Variants in TTLL13 observed in about 807,000 individuals in gnomAD.
TTLL13 encodes the protein tubulin tyrosine ligase like 13, also known as tubulin polyglutamylase TTLL13.
chr15:90,265,441 C>T, the TTLL13 span: 1 of 1,315,978 alleles, frequency 7.6e-7, no homozygotes. Context: ...CTCTTGGAAA[C>T]GGAATCCGTA....
At chr15:90,256,587 T>C in the TTLL13 span, among the ~76,000 whole-genome samples, 668 of 35,370 alleles carry the variant, frequency 0.019, 13 homozygotes, top group East Asian at 0.061. Flanking sequence ...CTTTCTTTCT[T>C]TCTTTCTTTC....
chr15:90,257,728 C>A, the TTLL13 span: 1 of 1,613,456 alleles, frequency 6.2e-7, no homozygotes, highest in South Asian at 1.1e-5. Flanking sequence ...AAGAGGTACT[C>A]CCTACTCTGT....
chr15:90,253,862 G>A, the TTLL13 span, among the ~76,000 whole-genome samples: 516 of 152,320 alleles, frequency 3.4e-3, no homozygotes, highest in African/African-American at 0.012. Flanking sequence ...CTAATTGGGC[G>A]TTTGTGGTGA....
chr15:90,259,640 C>T, the TTLL13 span, among the ~76,000 whole-genome samples: 1 of 152,204 alleles, frequency 6.6e-6, no homozygotes, highest in Non-Finnish European at 1.5e-5. Context: ...TATTTTAGAG[C>T]CATTCTCATG....
the TTLL13 span, chr15:90,253,488 A>C: frequency 1.8e-6 from 1 of 567,842 alleles, no homozygotes; most frequent in Non-Finnish European, 3.1e-6. Context: ...GCAGACAAGA[A>C]AGACCACCCC....
chr15:90,251,667 T>C, the TTLL13 span: 1 of 1,551,096 alleles, frequency 6.4e-7, no homozygotes, highest in South Asian at 1.1e-5. Context: ...TCCTCTGGAA[T>C]GGACCCCCGA....
chr15:90,258,568 T>C, the TTLL13 span: 2 of 631,728 alleles, frequency 3.2e-6, no homozygotes, highest in East Asian at 5.5e-5. Context: ...CTCACTGGTC[T>C]GTGAATTGGA....
At chr15:90,262,419 A>G in the TTLL13 span, 2 of 1,394,528 alleles carry the variant, frequency 1.4e-6, no homozygotes, top group Non-Finnish European at 9.4e-7. Context: ...CTCTTTCCTC[A>G]TCCCCATTTT....
the TTLL13 span, chr15:90,253,193 TC>T: frequency 6.8e-7 from 1 of 1,467,126 alleles, no homozygotes; most frequent in South Asian, 1.2e-5. Context: ...GCTACACAGT[TC>T]CAGGGCTTGT....
chr15:90,263,582 C>CA, the TTLL13 span: 1 of 569,288 alleles, frequency 1.8e-6, no homozygotes, highest in Non-Finnish European at 3.1e-6. Context: ...GGGCTGGTAG[C>CA]AAACCTGTTG....
At chr15:90,257,346 A>G in the TTLL13 span, 331 of 1,552,254 alleles carry the variant, frequency 2.1e-4, no homozygotes, top group South Asian at 3.7e-5. Flanking sequence ...CTAGAGAAAC[A>G]TGGTAGAGAG....
At chr15:90,262,077 A>T in the TTLL13 span, 1 of 1,536,018 alleles carries the variant, frequency 6.5e-7, no homozygotes, top group Non-Finnish European at 8.7e-7. Flanking sequence ...CACCTGGGAA[A>T]ATACCGGCGG....
the TTLL13 span, chr15:90,257,902 C>T: frequency 1.1e-6 from 1 of 950,456 alleles, no homozygotes; most frequent in Non-Finnish European, 1.6e-6. Flanking sequence ...ACCCTGATAA[C>T]TAGTCCCTGC....
At chr15:90,250,535 T>C in the TTLL13 span, 1 of 1,449,840 alleles carries the variant, frequency 6.9e-7, no homozygotes, top group Non-Finnish European at 9.3e-7. Flanking sequence ...TGAAGGTCGT[T>C]CTGGTGGATT....
At chr15:90,263,643 C>T in the TTLL13 span, 5 of 598,438 alleles carry the variant, frequency 8.4e-6, no homozygotes, top group East Asian at 5.5e-5. Context: ...AAATAGTGGC[C>T]GCGGCCTAGA....
At chr15:90,264,963 G>C in the TTLL13 span, 1 of 1,534,324 alleles carries the variant, frequency 6.5e-7, no homozygotes, top group Non-Finnish European at 8.7e-7. Flanking sequence ...AATCAGTTCA[G>C]GTAAAAGCAG....
At chr15:90,259,110 C>T in the TTLL13 span, 2 of 1,376,126 alleles carry the variant, frequency 1.5e-6, no homozygotes, top group Non-Finnish European at 1.9e-6. Flanking sequence ...TATCTGTAAT[C>T]CCAGCACTTT....
At chr15:90,265,088 C>A in the TTLL13 span, 1 of 1,332,918 alleles carries the variant, frequency 7.5e-7, no homozygotes, top group South Asian at 1.5e-5. Flanking sequence ...TGCCCAGGAA[C>A]CCCATTTGTA....
chr15:90,251,478 T>A, the TTLL13 span: 1 of 1,399,974 alleles, frequency 7.1e-7, no homozygotes, highest in South Asian at 1.2e-5. Context: ...TGTTGTGAAT[T>A]TGTTGGATGT....
Sources: gnomAD v4.1 joint callset for allele counts (sites outside exome capture counted in the v4.1 genomes callset) on GRCh38, gnomAD v4.1.1 for gene constraint, MANE v1.5 for transcripts, NCBI Gene and HGNC (gene_info 2026-07-23, HGNC 2026-07-21) for gene names.